The following CNTN3 variants were observed in gnomAD, a reference collection of about 807,000 sequenced individuals.
The protein encoded by CNTN3 is contactin 3.
In CNTN3, 60 loss-of-function variants were observed where a neutral mutation model predicts 119.1. That is an observed-to-expected ratio of 0.50 (90% CI 0.41 to 0.62). The LOEUF (loss-of-function observed/expected upper bound fraction) is 0.62, where lower values mean the gene tolerates loss of function less well. CNTN3 is among the 20% of genes least tolerant of loss of function. CNTN3 has a pLI of 0.00. For missense variants in CNTN3, 1,101 were observed against 1,242.4 expected (o/e 0.89, Z 1.71); for synonymous variants, 450 against 438.7 (o/e 1.03, Z -0.32).
rs143696917 is a variant in CNTN3 at position 74,564,938 on chromosome 3, C to T, written c.-80-43746G>A. Among the ~76,000 whole-genome samples the T allele has an allele frequency of 6.2e-4, 94 of 152,190 alleles. 3 individuals carry two copies. Among genetic ancestry groups the T allele is most frequent in the Middle Eastern group, 6.8e-3 (2 of 294 alleles). On this transcript the variant is annotated intron_variant, in intron 1 of 22. Coordinates refer to ENST00000263665, the MANE Select transcript of CNTN3 (RefSeq NM_020872.3). ...CTAAGACAGAATATTATTTCTTTCT[C>T]TCTACTTAACAACCCAGAGCTATGC... is the stretch of plus-strand genomic sequence containing the variant.
At chr3:74,464,494 C>T (rs1702426300) in intron 4 of CNTN3, among the ~76,000 whole-genome samples, 1 of 152,198 alleles carries the variant, frequency 6.6e-6, no homozygotes, top group East Asian at 1.9e-4. Context: ...GAAAGAATGT[C>T]AGTGGAAGGA....
At chr3:74,491,924 T>C (rs1452305250) in intron 3 of CNTN3, among the ~76,000 whole-genome samples, 1 of 152,206 alleles carries the variant, frequency 6.6e-6, no homozygotes, top group African/African-American at 2.4e-5. Context: ...AAAGGCTTAA[T>C]GCAGTGATCT....
At chr3:74,508,139 C>T (rs188103695) in intron 2 of CNTN3, among the ~76,000 whole-genome samples, 8 of 152,200 alleles carry the variant, frequency 5.3e-5, no homozygotes, top group African/African-American at 7.2e-5. Context: ...CTGAATTATG[C>T]GGACAGTTTC....
At chr3:74,408,679 A>G (rs946626808) in intron 5 of CNTN3, among the ~76,000 whole-genome samples, 3 of 152,044 alleles carry the variant, frequency 2.0e-5, no homozygotes, top group African/African-American at 7.2e-5. Flanking sequence ...CAGGGTATTT[A>G]TGTTCTAGAC....
At chr3:74,292,321 T>G (rs1166867858) in intron 19 of CNTN3, among the ~76,000 whole-genome samples, 1 of 152,186 alleles carries the variant, frequency 6.6e-6, no homozygotes, top group Non-Finnish European at 1.5e-5. Context: ...TCCCAGCACT[T>G]TGGGAGGCCA....
In CNTN3 at chr3:74,442,176, C is replaced by G. The variant is rs867122226; in HGVS notation, c.359-17236G>C. ...ACACACACACACACACACACACACA[C>G]AGAGAGAGAGAGATTATTTTTATAT... On this transcript the variant is annotated intron_variant, in intron 4 of 22. Coordinates refer to ENST00000263665, the MANE Select transcript of CNTN3 (RefSeq NM_020872.3). 3.0e-3 allele frequency among the ~76,000 whole-genome samples: 407 copies of G among 135,170 alleles called. 4 individuals carry two copies. The highest frequency in any genetic ancestry group is 7.2e-3 in the Middle Eastern group (2 of 276). The allele number at this position is 135,170 out of a possible 152,430, so 88.7% of individuals were successfully genotyped here. A position where few individuals can be genotyped will look rare whatever the true frequency, so the allele number is the denominator to read the frequency against.
chr3:74,485,321 T>C (rs919954705), intron 4 of CNTN3, among the ~76,000 whole-genome samples: 2 of 152,090 alleles, frequency 1.3e-5, no homozygotes, highest in African/African-American at 4.8e-5. Flanking sequence ...AGTACTTTAG[T>C]TAACTTAAGG....
intron 1 of CNTN3, among the ~76,000 whole-genome samples, chr3:74,546,074 C>T (rs1703910711): frequency 1.3e-5 from 2 of 152,092 alleles, no homozygotes; most frequent in South Asian, 4.1e-4. Context: ...CGGCTCACTG[C>T]AAGCTCCGCC....
Position 74,497,614 on chromosome 3 carries a change from T to G in CNTN3, c.182+2045A>C, listed in dbSNP as rs937822299. Among the ~76,000 whole-genome samples, 3 of 151,788 alleles carry G rather than the reference T, an allele frequency of 2.0e-5. No homozygotes were observed. In the East Asian group the frequency reaches 5.8e-4, roughly 29 times the overall value. On this transcript the variant is annotated intron_variant, in intron 3 of 22. Transcript: ENST00000263665. The stretch of plus-strand genomic sequence containing the variant: ...CTTAATTTTAGAAAATTTTTAAAGT[T>G]ATAAGGAAAGTATCTGCTCTATTTG...
intron 3 of CNTN3, among the ~76,000 whole-genome samples, chr3:74,498,265 GA>G (rs757579087): frequency 2.0e-5 from 3 of 151,646 alleles, no homozygotes; most frequent in South Asian, 2.1e-4. Context: ...AAAAATGCTG[GA>G]AAAAAATATT....
At chr3:74,391,938 G>A (rs1328743417) in intron 5 of CNTN3, among the ~76,000 whole-genome samples, 6 of 152,146 alleles carry the variant, frequency 3.9e-5, no homozygotes, top group Non-Finnish European at 8.8e-5. Context: ...GATTACAGGT[G>A]TGAGCCACAG....
At chr3:74,337,607 C>T (rs1559553346) in intron 11 of CNTN3, among the ~76,000 whole-genome samples, 1 of 151,946 alleles carries the variant, frequency 6.6e-6, no homozygotes, top group East Asian at 1.9e-4. Context: ...CTTATAAAAC[C>T]ATCAATTCTC....
At chr3:74,306,551 A>C (rs893355676) in intron 13 of CNTN3, among the ~76,000 whole-genome samples, 1 of 152,148 alleles carries the variant, frequency 6.6e-6, no homozygotes, top group South Asian at 2.1e-4. Context: ...TCATAGCTTT[A>C]TTTTCTTCTC....
chr3:74,374,742 G>T (rs879473128), intron 5 of CNTN3, among the ~76,000 whole-genome samples: 23 of 152,218 alleles, frequency 1.5e-4, no homozygotes, highest in Non-Finnish European at 2.5e-4. Context: ...TTGCTGTCCA[G>T]CCCTAAACCT....
At chr3:74,550,469 T>A (rs543695999) in intron 1 of CNTN3, among the ~76,000 whole-genome samples, 8 of 152,320 alleles carry the variant, frequency 5.3e-5, no homozygotes, top group Admixed American at 2.0e-4. Flanking sequence ...AGGCACCAAA[T>A]ACTCAGGTAA....
chr3:74,362,062 AAGG>A (rs1704085355), intron 10 of CNTN3, 22 bp from the exon 11 acceptor site: 1 of 1,610,014 alleles, frequency 6.2e-7, no homozygotes, highest in South Asian at 1.1e-5. Flanking sequence ...GAAAGGAGAG[AAGG>A]AGAAGTGGAT....
At position 74,501,808 on chromosome 3, in the gene CNTN3, C is replaced by T. The variant is rs151335118; in HGVS notation, c.56-2023G>A. 2.3e-3 allele frequency among the ~76,000 whole-genome samples: 351 copies of T among 151,926 alleles called. 1 individual carries two copies. Among genetic ancestry groups the T allele is most frequent in the African/African-American group, 7.8e-3 (325 of 41,470 alleles). On this transcript the variant is annotated intron_variant, in intron 2 of 22. Transcript: ENST00000263665. Reference sequence around the variant, plus strand: ...TGCCAAAGGAAAAAAAAAAAGCTTCCGTTTCCCTTTTTAGGAAAGAGCAAC... The same window carrying T: ...TGCCAAAGGAAAAAAAAAAAGCTTCTGTTTCCCTTTTTAGGAAAGAGCAAC...
intron 3 of CNTN3, among the ~76,000 whole-genome samples, chr3:74,491,097 A>G (rs140332976): frequency 6.6e-6 from 1 of 152,324 alleles, no homozygotes; most frequent in African/African-American, 2.4e-5. Context: ...GCCAACAGAT[A>G]TTAATATTTT....
intron 5 of CNTN3, among the ~76,000 whole-genome samples, chr3:74,392,804 ATTT>A (rs919500867): frequency 1.3e-5 from 2 of 149,868 alleles, no homozygotes; most frequent in African/African-American, 4.9e-5. Context: ...GACAGAGCTT[ATTT>A]TTTTTTTATT....
Sources: gnomAD v4.1 joint callset for allele counts (sites outside exome capture counted in the v4.1 genomes callset) on GRCh38, gnomAD v4.1.1 for gene constraint, MANE v1.5 for transcripts, NCBI Gene and HGNC (gene_info 2026-07-23, HGNC 2026-07-21) for gene names.